The following FAM168A variants were observed in gnomAD, a reference collection of about 807,000 sequenced individuals.
The protein encoded by FAM168A is family with sequence similarity 168 member A, also known as protein FAM168A.
FAM168A carries 3 observed loss-of-function variants against 28.5 expected under a neutral mutation model. The ratio of observed to expected loss-of-function variants is 0.11; its 90% CI spans 0.05 to 0.27. FAM168A has a LOEUF of 0.27. Among genes scored for constraint, FAM168A ranks in the 10% least tolerant of loss-of-function variants. FAM168A has a pLI of 1.00. For synonymous variants in FAM168A, 122 were observed against 124.2 expected, an observed-to-expected ratio of 0.98 and a Z score of 0.12; for missense variants, 222 against 311.5, an observed-to-expected ratio of 0.71 and a Z score of 2.16.
intron 1 of FAM168A, among the ~76,000 whole-genome samples, chr11:73,503,153 C>T (rs981600424): frequency 4.6e-5 from 7 of 152,032 alleles, no homozygotes; most frequent in African/African-American, 1.5e-4. Context: ...CTGGCCAGGG[C>T]AATCAGACAA....
At chr11:73,417,670 C>T (rs888591803) in intron 4 of FAM168A, among the ~76,000 whole-genome samples, 47 of 151,838 alleles carry the variant, frequency 3.1e-4, no homozygotes, top group Admixed American at 9.8e-4. Context: ...CACCATTCTC[C>T]TGCCTCAGCC....
At chr11:73,583,079 C>T (rs916274285) in intron 1 of FAM168A, among the ~76,000 whole-genome samples, 11 of 152,034 alleles carry the variant, frequency 7.2e-5, no homozygotes, top group East Asian at 3.9e-4. Context: ...CCAAGGCAGG[C>T]GGATCACGAG....
intron 1 of FAM168A, among the ~76,000 whole-genome samples, chr11:73,539,104 T>C (rs1443149203): frequency 2.6e-5 from 4 of 152,206 alleles, no homozygotes; most frequent in Non-Finnish European, 4.4e-5. Flanking sequence ...CGCATTTCAA[T>C]CTGCTATGCA....
chr11:73,484,558 ATATCTATATATCTATATATCGATATC>A (rs1243756685), intron 1 of FAM168A, among the ~76,000 whole-genome samples: 3 of 146,074 alleles, frequency 2.1e-5, no homozygotes, highest in African/African-American at 7.5e-5. Flanking sequence ...CTATATCTAT[ATATCTATATATCTATATATCGATATC>A]TATCTATATA....
At chr11:73,410,838 A>G (rs1281649936) in intron 5 of FAM168A, among the ~76,000 whole-genome samples, 2 of 152,188 alleles carry the variant, frequency 1.3e-5, no homozygotes, top group East Asian at 1.9e-4. Context: ...TCTCATACCA[A>G]TCCTGGAATG....
At chr11:73,449,580 A>C (rs1867389063) in intron 2 of FAM168A, among the ~76,000 whole-genome samples, 1 of 152,230 alleles carries the variant, frequency 6.6e-6, no homozygotes, top group African/African-American at 2.4e-5. Context: ...CACTGTGCCC[A>C]GCCCTCTTGT....
intron 7 of FAM168A, 89 bp downstream of exon 7, chr11:73,407,424 G>T: frequency 2.5e-6 from 2 of 814,530 alleles, no homozygotes; most frequent in South Asian, 2.2e-5. Context: ...TGCCCTAGCT[G>T]ACACCTGTGC....
chr11:73,495,308 G>A (rs1018808590), intron 1 of FAM168A, among the ~76,000 whole-genome samples: 70 of 152,184 alleles, frequency 4.6e-4, no homozygotes, highest in Admixed American at 1.4e-3. Context: ...CAGCCTGGGC[G>A]ACAGAGCGAG....
At position 73,518,288 on chromosome 11, in the gene FAM168A, A is replaced by T. The variant is rs540478763; in HGVS notation, c.-18-49796T>A. 1.7e-4 allele frequency among the ~76,000 whole-genome samples: 26 copies of T among 152,224 alleles called. No individual in the cohort carries two copies. The East Asian group carries it at 4.8e-3, about 28-fold the overall frequency. ...ATTTTCCAAAGATGGTCACAATAAC[A>T]TCTCTGCTATAGTTTGGAAATCTGA... On this transcript the variant is annotated intron_variant, in intron 1 of 7. Coordinates refer to ENST00000356467, the MANE Select transcript of FAM168A (RefSeq NM_015159.3).
intron 1 of FAM168A, among the ~76,000 whole-genome samples, chr11:73,486,556 T>A (rs114939835): frequency 4.6e-5 from 7 of 152,356 alleles, no homozygotes; most frequent in African/African-American, 1.7e-4. Flanking sequence ...CATTCCAGAC[T>A]TCCCATTTCG....
intron 1 of FAM168A, among the ~76,000 whole-genome samples, chr11:73,550,688 A>G (rs1033765198): frequency 6.6e-6 from 1 of 151,676 alleles, no homozygotes; most frequent in African/African-American, 2.4e-5. Context: ...ATAAATAAAT[A>G]TTTTTTTAAA....
Position 73,586,485 on chromosome 11 carries a change from CAG to C in FAM168A, c.-19+11436_-19+11437del, listed in dbSNP as rs1411180367. Among the ~76,000 whole-genome samples, 15 of 152,240 alleles carry C rather than the reference CAG, an allele frequency of 9.9e-5. No homozygotes were observed. The South Asian group carries it at 2.5e-3, about 25-fold the overall frequency. ...ACTAAAAAATATGGCCACATACACACAGAAAAATTGTCAGGTTTAAGTAAGAT... is the reference window on the plus strand; with the variant it reads ...ACTAAAAAATATGGCCACATACACACAAAAATTGTCAGGTTTAAGTAAGAT... On this transcript the variant is annotated intron_variant, in intron 1 of 7. Coordinates refer to ENST00000356467, the MANE Select transcript of FAM168A (RefSeq NM_015159.3).
Position 73,430,246 on chromosome 11 carries a change from ATGTG to A in FAM168A, c.151+440_151+443del, listed in dbSNP as rs35693530. 9.3e-4 allele frequency: 137 copies of A among 147,506 alleles called. 2 individuals are homozygous for A. Among genetic ancestry groups the A allele is most frequent in the Admixed American group, 2.0e-3 (30 of 14,944 alleles). 9.1% of individuals were successfully genotyped at this position (147,506 alleles called of 1,614,324 possible). A position where few individuals can be genotyped will look rare whatever the true frequency, so the allele number is the denominator to read the frequency against. ...CTCTTTGCCCTCTGGTGGCAAGAGCATGTGTGTGTGTGTGTGTGTGTGTGTCCCA... is the reference window on the plus strand; with the variant it reads ...CTCTTTGCCCTCTGGTGGCAAGAGCATGTGTGTGTGTGTGTGTGTGTCCCA... On this transcript the variant is annotated intron_variant, in intron 3 of 7. Transcript: ENST00000356467.
chr11:73,587,491 CAAA>C (rs750571231), intron 1 of FAM168A, among the ~76,000 whole-genome samples: 6 of 87,516 alleles, frequency 6.9e-5, no homozygotes, highest in Admixed American at 1.2e-4. Context: ...GACTCCGTCT[CAAA>C]AAAAAAAAAA....
chr11:73,499,636 T>G (rs1854964672), intron 1 of FAM168A, among the ~76,000 whole-genome samples: 1 of 152,184 alleles, frequency 6.6e-6, no homozygotes. Context: ...GATAAAAGGT[T>G]GGAAGAATTG....
intron 1 of FAM168A, among the ~76,000 whole-genome samples, chr11:73,477,146 T>G (rs925381243): frequency 6.6e-6 from 1 of 152,094 alleles, no homozygotes; most frequent in African/African-American, 2.4e-5. Context: ...TTCTCACTTA[T>G]AAGTGGGAGA....
intron 1 of FAM168A, among the ~76,000 whole-genome samples, chr11:73,482,181 C>CA (rs765830536): frequency 2.6e-5 from 2 of 77,556 alleles, no homozygotes; most frequent in Non-Finnish European, 4.7e-5. Flanking sequence ...ATCCAACAGC[C>CA]TTTTTTTTTT....
At chr11:73,431,110 G>A (rs1278997363) in intron 2 of FAM168A, among the ~76,000 whole-genome samples, 1 of 152,174 alleles carries the variant, frequency 6.6e-6, no homozygotes, top group Non-Finnish European at 1.5e-5. Context: ...TTGGGAGGCT[G>A]AGGCGGGTGG....
intron 2 of FAM168A, among the ~76,000 whole-genome samples, chr11:73,443,694 G>T (rs1867247079): frequency 6.6e-6 from 1 of 152,154 alleles, no homozygotes; most frequent in Non-Finnish European, 1.5e-5. Flanking sequence ...GCAGACCTAG[G>T]TTTAAATTCC....
Sources: gnomAD v4.1 joint callset for allele counts (sites outside exome capture counted in the v4.1 genomes callset) on GRCh38, gnomAD v4.1.1 for gene constraint, MANE v1.5 for transcripts, NCBI Gene and HGNC (gene_info 2026-07-23, HGNC 2026-07-21) for gene names.